Variants in RPAP1 observed in about 807,000 individuals in gnomAD.
RPAP1 encodes RNA polymerase II associated protein 1.
In RPAP1, 109 loss-of-function variants were observed where a neutral mutation model predicts 142.4. The observed-to-expected ratio is 0.77, with a 90% CI of 0.66 to 0.90. The LOEUF (loss-of-function observed/expected upper bound fraction) is 0.90, where lower values mean the gene tolerates loss of function less well. Among genes scored for constraint, RPAP1 ranks in the 40% least tolerant of loss-of-function variants. RPAP1 has a pLI of 0.00. For synonymous variants in RPAP1, 704 were observed against 738.9 expected, an observed-to-expected ratio of 0.95 and a Z score of 0.77; for missense variants, 1,546 against 1,751.7, an observed-to-expected ratio of 0.88 and a Z score of 2.10.
At position 41,527,921 on chromosome 15, in the gene RPAP1, T is replaced by C; in HGVS notation, c.1367A>G (p.Asp456Gly). ...LLRFSLDDRV[D>G]GVIATAIRAL... Reference sequence around the variant, plus strand: ...ACGGATGGCGGTTGCAATGACCCCATCCACTCTGTCATCCAAGGAGAAGCG... The same window carrying C: ...ACGGATGGCGGTTGCAATGACCCCACCCACTCTGTCATCCAAGGAGAAGCG... The change falls in exon 11 of 25, where the codon GAT becomes GGT. Residue 456 changes from aspartate (D) to glycine (G), a missense_variant. By Grantham distance (94) the Asp-to-Gly change is moderately conservative (BLOSUM62 -1). Around this residue, in one of 3 missense-constraint regions of RPAP1, gnomAD observed 1,333 missense variants for 1,486.6 expected, o/e 0.90. Transcript: ENST00000304330. 1 of 1,613,868 alleles carries C rather than the reference T, an allele frequency of 6.2e-7. No individual in the cohort carries two copies. The highest frequency in any genetic ancestry group is 8.5e-7 in the Non-Finnish European group (1 of 1,179,982).
rs752997822 is a variant in RPAP1, at chr15:41,536,137, C to T, written c.412G>A (p.Asp138Asn). ...AFPAVFLRSR[D>N]TQGKSATSGK... ...AGCTTACCCTTGCCTACCTGTGTGTCCCGCGAGCGAAGGAACACAGCAGGG... is the reference window on the plus strand; with the variant it reads ...AGCTTACCCTTGCCTACCTGTGTGTTCCGCGAGCGAAGGAACACAGCAGGG... Residue 138 changes from aspartate (D) to asparagine (N), a missense_variant, in exon 4 of 25, where the codon GAC becomes AAC. Physicochemically the swap from Asp to Asn is conservative, Grantham distance 23. This residue lies in a region of RPAP1 where 1,333 missense variants were observed against 1,486.6 expected (regional missense o/e 0.90). Transcript: ENST00000304330. 1.2e-6 allele frequency: 2 copies of T among 1,613,702 alleles called. No homozygotes were observed. The highest frequency in any genetic ancestry group is 1.7e-6 in the Non-Finnish European group (2 of 1,179,766).
chr15:41,520,566 A>T lies in RPAP1; in HGVS notation c.3620T>A (p.Phe1207Tyr), dbSNP rs757636713. Reference sequence around the variant, plus strand: ...CAGGAAGTTGGCATAGAGGTCAGGGAAAGACGTCAGGCCAGGGAGTCGGCA... The same window carrying T: ...CAGGAAGTTGGCATAGAGGTCAGGGTAAGACGTCAGGCCAGGGAGTCGGCA... Reference protein sequence around the residue: ...LDCRLPGLTSFPDLYANFLDH... With the variant: ...LDCRLPGLTSYPDLYANFLDH... Residue 1207 changes from phenylalanine (F) to tyrosine (Y), a missense_variant, in exon 22 of 25, where the codon TTC becomes TAC. Phe to Tyr is a conservative substitution (Grantham distance 22). Transcript: ENST00000304330. 1 of 1,614,198 alleles carries T rather than the reference A, an allele frequency of 6.2e-7. No homozygotes were observed. Among genetic ancestry groups the T allele is most frequent in the Admixed American group, 1.7e-5 (1 of 60,026 alleles).
chr15:41,527,305 G>A lies in RPAP1; in HGVS notation c.1612-4C>T. On this transcript the variant is annotated splice_region_variant and splice_polypyrimidine_tract_variant and intron_variant, in intron 12 of 24. Coordinates refer to ENST00000304330, the MANE Select transcript of RPAP1 (RefSeq NM_015540.4). ...GCAGGCTGGTAGCCAGGAGCCCCTG[G>A]GAGTTGGAGAGAGAAACCCACTGAC... The A allele has an allele frequency of 6.2e-7, 1 of 1,614,070 alleles. No individual in the cohort carries two copies. The highest frequency in any genetic ancestry group is 8.5e-7 in the Non-Finnish European group (1 of 1,179,994).
chr15:41,534,583 CAAAAAAAAAAAAAAA>C, intron 6 of RPAP1, 116 bp downstream of exon 6: 1 of 176,832 alleles, frequency 5.7e-6, no homozygotes, highest in Non-Finnish European at 1.0e-5. Context: ...AAGACCATCT[CAAAAAAAAAAAAAAA>C]AAAAAAAAAA....
In RPAP1 at chr15:41,520,698, A is replaced by AAC; in HGVS notation, c.3486_3487dup (p.Phe1163CysfsTer43). On this transcript the variant is annotated frameshift_variant, in exon 22 of 25. Coordinates refer to ENST00000304330, the MANE Select transcript of RPAP1 (RefSeq NM_015540.4). LOFTEE classifies it high-confidence loss of function. Reference sequence around the variant, plus strand: ...CCGGAACAGCTCACTGTCCACCAGGAACACACACATGAGCCGTGCCAGGCG... The same window carrying AAC: ...CCGGAACAGCTCACTGTCCACCAGGAACACACACACATGAGCCGTGCCAGGCG... 1 of 1,614,134 alleles carries AAC rather than the reference A, an allele frequency of 6.2e-7. No individual in the cohort carries two copies. The highest frequency in any genetic ancestry group is 8.5e-7 in the Non-Finnish European group (1 of 1,180,028).
intron 14 of RPAP1, among the ~76,000 whole-genome samples, chr15:41,526,497 C>A (rs1402979736): frequency 6.6e-6 from 1 of 152,206 alleles, no homozygotes; most frequent in Non-Finnish European, 1.5e-5. Context: ...AAGTGATCCT[C>A]CTGCCTTGGC....
intron 6 of RPAP1, among the ~76,000 whole-genome samples, chr15:41,532,085 G>C (rs991389308): frequency 6.7e-6 from 1 of 149,794 alleles, no homozygotes; most frequent in African/African-American, 2.5e-5. Context: ...GCCATGGCAC[G>C]ATCTCGGCTC....
chr15:41,528,414 A>G (rs2051817105), intron 9 of RPAP1, 78 bp from the exon 10 acceptor site: 1 of 989,738 alleles, frequency 1.0e-6, no homozygotes, highest in Non-Finnish European at 1.6e-6. Flanking sequence ...GTATCACAGG[A>G]AAGACAAAGA....
At position 41,536,991 on chromosome 15, in the gene RPAP1, T is replaced by G; in HGVS notation, c.135A>C (p.Ser45=). ...KGNRGGGDAN[S]DRPPLQDHRD... ...GATGGTCCTGGAGCGGAGGCCGGTC[T>G]GAGTTGGCATCACCACCGCCCCTAT... The change falls in exon 2 of 25, where the codon TCA becomes TCC. Residue 45 remains serine (S), a synonymous_variant. Coordinates refer to ENST00000304330, the MANE Select transcript of RPAP1 (RefSeq NM_015540.4). 1 of 1,614,148 alleles carries G rather than the reference T, an allele frequency of 6.2e-7. No individual in the cohort carries two copies.
Position 41,517,351 on chromosome 15 carries a change from C to T in RPAP1, c.*191G>A, listed in dbSNP as rs2051674807. On this transcript the variant is annotated 3_prime_UTR_variant, in exon 25 of 25. Coordinates refer to ENST00000304330, the MANE Select transcript of RPAP1 (RefSeq NM_015540.4). ...TCCCAGTACAGACCTTCAGAAGCCC[C>T]AGATATCAGGATGTAATGGTAGGGC... is the stretch of plus-strand genomic sequence containing the variant. The T allele has an allele frequency of 1.9e-6, 1 of 515,048 alleles. No homozygotes were observed. The highest frequency in any genetic ancestry group is 3.4e-6 in the Non-Finnish European group (1 of 295,696). 31.9% of individuals were successfully genotyped at this position (515,048 alleles called of 1,614,324 possible).
chr15:41,543,058 G>A (rs2051985543), intron 1 of RPAP1, among the ~76,000 whole-genome samples: 1 of 152,170 alleles, frequency 6.6e-6, no homozygotes, highest in South Asian at 2.1e-4. Context: ...TCACTTCATA[G>A]GGTGCGCCAT....
chr15:41,522,989 G>C (rs2051746313), intron 18 of RPAP1, 29 bp from the exon 19 acceptor site: 2 of 1,496,070 alleles, frequency 1.3e-6, no homozygotes, highest in African/African-American at 2.9e-5. Flanking sequence ...GTCTGAGGGG[G>C]ACTCTGGCCT....
At chr15:41,524,876 TCA>T (rs2051773391) in intron 15 of RPAP1, 113 bp downstream of exon 15, 7 of 1,090,224 alleles carry the variant, frequency 6.4e-6, no homozygotes, top group Middle Eastern at 3.1e-4. Context: ...GCCCTCCCAC[TCA>T]TTCTTATCCT....
intron 22 of RPAP1, 138 bp from the exon 23 acceptor site, chr15:41,518,320 C>A (rs1290580363): frequency 5.6e-6 from 4 of 709,990 alleles, no homozygotes; most frequent in Non-Finnish European, 8.9e-6. Flanking sequence ...CCTTCTAGCA[C>A]AAGGATCAGG....
At chr15:41,517,765 A>G in intron 24 of RPAP1, 33 bp downstream of exon 24, 1 of 1,613,962 alleles carries the variant, frequency 6.2e-7, no homozygotes, top group Non-Finnish European at 8.5e-7. Flanking sequence ...AAGATCCTCT[A>G]ATATCCCACC....
intron 7 of RPAP1, among the ~76,000 whole-genome samples, chr15:41,530,568 C>T (rs1003616700): frequency 2.0e-5 from 3 of 152,236 alleles, no homozygotes; most frequent in Non-Finnish European, 4.4e-5. Flanking sequence ...GAAATGAGTG[C>T]TTCCACTGGC....
rs763909624 is a variant in RPAP1, at chr15:41,527,562, G to A, written c.1472C>T (p.Thr491Met). 3 of 1,614,036 alleles carry A rather than the reference G, an allele frequency of 1.9e-6. No homozygotes were observed. The highest frequency in any genetic ancestry group is 2.2e-5 in the East Asian group (1 of 44,882). The change falls in exon 12 of 25, where the codon ACG (threonine) becomes ATG (methionine). Residue 491 changes from threonine (T) to methionine (M), a missense_variant. Transcript: ENST00000304330. The part of the protein sequence containing the change: ...STFSWYHGAL[T>M]FPLMPSQEDK... ...CTCCTGGCTGGGCATCAGAGGGAACGTCAAAGCTCCATGGTACCAAGAGAA... is the reference window on the plus strand; with the variant it reads ...CTCCTGGCTGGGCATCAGAGGGAACATCAAAGCTCCATGGTACCAAGAGAA...
intron 11 of RPAP1, 88 bp downstream of exon 11, chr15:41,527,772 A>G: frequency 1.3e-6 from 2 of 1,545,526 alleles, no homozygotes; most frequent in Non-Finnish European, 1.8e-6. Context: ...TCTTGCCCGC[A>G]AAGCCTTAGC....
rs1225185119 is a variant in RPAP1, at chr15:41,525,001, A to C, written c.2065T>G (p.Tyr689Asp). The change falls in exon 15 of 25, where the codon TAC (tyrosine) becomes GAC (aspartate). Residue 689 changes from tyrosine to aspartate, a missense_variant. Physicochemically the swap from Tyr to Asp is radical, Grantham distance 160 (BLOSUM62 -3). Coordinates refer to ENST00000304330, the MANE Select transcript of RPAP1 (RefSeq NM_015540.4). Reference sequence around the variant, plus strand: ...CCTGCCTCTCCTCACCTGTAAAGGTAACCGCCCTGGCCATAGGAGGCAGCC... The same window carrying C: ...CCTGCCTCTCCTCACCTGTAAAGGTCACCGCCCTGGCCATAGGAGGCAGCC... ...AVAASYGQGG[Y>D]LYRELYPVLM... 6.2e-7 allele frequency: 1 copy of C among 1,613,552 alleles called. No homozygotes were observed. The highest frequency in any genetic ancestry group is 1.1e-5 in the South Asian group (1 of 91,072).
Sources: gnomAD v4.1 joint callset for allele counts (sites outside exome capture counted in the v4.1 genomes callset) on GRCh38, gnomAD v4.1.1 for gene constraint, gnomAD v4.1.1 regional missense constraint, MANE v1.5 for transcripts, NCBI Gene and HGNC (gene_info 2026-07-23, HGNC 2026-07-21) for gene names.